Variants in SCN2A observed in about 807,000 individuals in gnomAD.
SCN2A encodes the protein sodium voltage-gated channel alpha subunit 2.
In SCN2A, 20 loss-of-function variants were observed where a neutral mutation model predicts 188.7. The observed-to-expected ratio is 0.11, with a 90% CI of 0.07 to 0.15. SCN2A has a LOEUF of 0.15. SCN2A is among the 10% of genes least tolerant of loss of function. The pLI is 1.00. For missense variants in SCN2A, 1,278 were observed against 2,445.0 expected, an observed-to-expected ratio of 0.52 and a Z score of 10.07; for synonymous variants, 804 against 833.1, an observed-to-expected ratio of 0.97 and a Z score of 0.60.
chr2:165,323,908 A>G (rs966412959), intron 12 of SCN2A, among the ~76,000 whole-genome samples: 1 of 152,250 alleles, frequency 6.6e-6, no homozygotes, highest in African/African-American at 2.4e-5. Context: ...TTCCACTTGC[A>G]GTAGATACTA....
chr2:165,373,457 C>T (rs1173326319), intron 21 of SCN2A, 110 bp downstream of exon 21: 17 of 1,203,232 alleles, frequency 1.4e-5, no homozygotes, highest in African/African-American at 7.6e-5. Flanking sequence ...CACATTCATA[C>T]TGACATAGCT....
intron 17 of SCN2A, among the ~76,000 whole-genome samples, chr2:165,357,582 TA>T (rs1166625067): frequency 6.6e-6 from 1 of 152,190 alleles, no homozygotes; most frequent in African/African-American, 2.4e-5. Context: ...AATCATGTCA[TA>T]ATCCCCTATG....
In SCN2A at chr2:165,386,796, T is replaced by C; in HGVS notation, c.4602T>C (p.Asp1534=). The change falls in exon 26 of 27, where the codon GAT becomes GAC. Residue 1534 remains aspartate (D), a synonymous_variant. Transcript: ENST00000375437. ...ATTTTGTAACCAAACAAGTCTTTGA[T>C]ATCAGCATCATGATCCTCATCTGCC... ...VFDFVTKQVF[D]ISIMILICLN... 1 of 1,613,914 alleles carries C rather than the reference T, an allele frequency of 6.2e-7. No individual in the cohort carries two copies. The highest frequency in any genetic ancestry group is 1.1e-5 in the South Asian group (1 of 91,074).
chr2:165,344,764 C>T lies in SCN2A; in HGVS notation c.2772C>T (p.His924=). 6.2e-7 allele frequency: 1 copy of T among 1,614,156 alleles called. No homozygotes were observed. ...ISNDCELPRW[H]MHDFFHSFLI... ...ATGATTGTGAACTCCCACGCTGGCA[C>T]ATGCATGACTTTTTCCACTCCTTCC... Residue 924 remains histidine, a synonymous_variant, in exon 16 of 27, where the codon CAC becomes CAT. Coordinates refer to ENST00000375437, the MANE Select transcript of SCN2A (RefSeq NM_001040142.2).
intron 1 of SCN2A, among the ~76,000 whole-genome samples, chr2:165,277,235 G>A (rs1695389014): frequency 6.6e-6 from 1 of 151,894 alleles, no homozygotes; most frequent in Admixed American, 6.6e-5. Context: ...AGTAATTGAG[G>A]ATTATTTCAT....
chr2:165,347,033 G>A (rs1191898106), intron 16 of SCN2A, among the ~76,000 whole-genome samples: 1 of 152,162 alleles, frequency 6.6e-6, no homozygotes, highest in Non-Finnish European at 1.5e-5. Context: ...AAACAGTGTG[G>A]CAATTCCTCA....
chr2:165,240,995 CAG>C (rs1327507163), intron 1 of SCN2A: 1 of 152,020 alleles, frequency 6.6e-6, no homozygotes, highest in Non-Finnish European at 1.5e-5. Flanking sequence ...GTGGATTTCC[CAG>C]AGTCACGTAC....
chr2:165,372,015 CTCTG>C (rs1701058486), intron 20 of SCN2A: 1 of 152,114 alleles, frequency 6.6e-6, no homozygotes, highest in African/African-American at 2.4e-5. Flanking sequence ...AAATATTTTC[CTCTG>C]TCTAACTTTT....
At chr2:165,326,019 T>A (rs1254365410) in intron 12 of SCN2A, among the ~76,000 whole-genome samples, 1 of 152,194 alleles carries the variant, frequency 6.6e-6, no homozygotes, top group East Asian at 1.9e-4. Flanking sequence ...TGAAACTTTT[T>A]AATTTATTAT....
rs1559340367 is a variant in SCN2A at position 165,291,496 on chromosome 2, T to TTTCTTTCTTTCCG, written c.-51-4266_-51-4265insCGTTCTTTCTTTC. Among the ~76,000 whole-genome samples, 41 of 26,114 alleles carry TTTCTTTCTTTCCG rather than the reference T, an allele frequency of 1.6e-3. 1 individual carries two copies. Among genetic ancestry groups the TTTCTTTCTTTCCG allele is most frequent in the Non-Finnish European group, 2.9e-3 (32 of 11,200 alleles). 17.1% of individuals were successfully genotyped at this position (26,114 alleles called of 152,430 possible). On this transcript the variant is annotated intron_variant, in intron 1 of 26. Coordinates refer to ENST00000375437, the MANE Select transcript of SCN2A (RefSeq NM_001040142.2). ...TTTCTTTCTTTCTTTCTTTCTTTTCTTTCTTTCTTTCTTTCTTCCTCTCCT... is the reference window on the plus strand; with the variant it reads ...TTTCTTTCTTTCTTTCTTTCTTTTCTTTCTTTCTTTCCGTTCTTTCTTTCTTTCTTCCTCTCCT...
chr2:165,371,683 G>A (rs1701034543), intron 20 of SCN2A: 1 of 152,172 alleles, frequency 6.6e-6, no homozygotes, highest in Non-Finnish European at 1.5e-5. Flanking sequence ...AGAAAGATAA[G>A]TTAGAAAAGA....
chr2:165,315,461 G>T lies in SCN2A; in HGVS notation c.1384-10G>T. 1 of 1,613,620 alleles carries T rather than the reference G, an allele frequency of 6.2e-7. No homozygotes were observed. Among genetic ancestry groups the T allele is most frequent in the East Asian group, 2.2e-5 (1 of 44,860 alleles). Reference sequence around the variant, plus strand: ...TATATGCAACTTCCACATACTTTGCGCCCTTCTAGGCGGCAGCTGCAGCCG... The same window carrying T: ...TATATGCAACTTCCACATACTTTGCTCCCTTCTAGGCGGCAGCTGCAGCCG... On this transcript the variant is annotated splice_polypyrimidine_tract_variant and intron_variant, in intron 10 of 26. Coordinates refer to ENST00000375437, the MANE Select transcript of SCN2A (RefSeq NM_001040142.2).
At chr2:165,291,548 CCT>C (rs1696190049) in intron 1 of SCN2A, among the ~76,000 whole-genome samples, 2 of 106,018 alleles carry the variant, frequency 1.9e-5, no homozygotes, top group African/African-American at 6.8e-5. Flanking sequence ...TTCCTTCCTT[CCT>C]TCCTTCCTTC....
At chr2:165,296,954 C>G in intron 2 of SCN2A, 63 bp from the exon 3 acceptor site, 1 of 870,282 alleles carries the variant, frequency 1.1e-6, no homozygotes, top group Non-Finnish European at 1.9e-6. Context: ...TTTTACTTTT[C>G]TCTTAAAATA....
chr2:165,319,904 C>A (rs1023619217), intron 11 of SCN2A, among the ~76,000 whole-genome samples: 14 of 152,200 alleles, frequency 9.2e-5, no homozygotes, highest in African/African-American at 3.1e-4. Flanking sequence ...CCTCCCAAAT[C>A]TCATGTCCTC....
intron 1 of SCN2A, chr2:165,240,187 T>C (rs2106047230): frequency 6.6e-6 from 1 of 152,336 alleles, no homozygotes; most frequent in Admixed American, 6.5e-5. Flanking sequence ...TCAAGATTTA[T>C]GTAATGTGTT....
chr2:165,333,941 C>T (rs1435361601), intron 14 of SCN2A, among the ~76,000 whole-genome samples: 1 of 149,272 alleles, frequency 6.7e-6, no homozygotes, highest in African/African-American at 2.5e-5. Flanking sequence ...AGGATATTAC[C>T]ATGGATCTTT....
Position 165,380,715 on chromosome 2 carries a change from C to T in SCN2A, c.4432C>T (p.Gln1478Ter), listed in dbSNP as rs1553462132. 1 of 1,585,136 alleles carries T rather than the reference C, an allele frequency of 6.3e-7. No individual in the cohort carries two copies. The highest frequency in any genetic ancestry group is 8.6e-7 in the Non-Finnish European group (1 of 1,156,984). ...FIGVIIDNFN[Q>*]QKKKFGGQDI... ...TGGTGTCATCATAGATAACTTCAAC[C>T]AACAGAAAAAGAAGATAAGTATATT... The change falls in exon 24 of 27, where the codon CAA becomes TAA. Residue 1478 changes from glutamine (Q) to a stop codon, truncating the protein, a stop_gained. Transcript: ENST00000375437. LOFTEE classifies it high-confidence loss of function.
chr2:165,310,987 TG>T (rs1697393924), intron 7 of SCN2A, among the ~76,000 whole-genome samples: 1 of 152,134 alleles, frequency 6.6e-6, no homozygotes, highest in South Asian at 2.1e-4. Flanking sequence ...CCTATTTGGT[TG>T]ATGCAACATA....
Sources: gnomAD v4.1 joint callset for allele counts (sites outside exome capture counted in the v4.1 genomes callset) on GRCh38, gnomAD v4.1.1 for gene constraint, MANE v1.5 for transcripts, NCBI Gene and HGNC (gene_info 2026-07-23, HGNC 2026-07-21) for gene names.